The following CNTN5 variants were observed in gnomAD, a reference collection of about 807,000 sequenced individuals.
CNTN5 encodes contactin 5.
CNTN5 carries 77 observed loss-of-function variants against 129.1 expected under a neutral mutation model. That is an observed-to-expected ratio of 0.60 (90% confidence interval 0.50 to 0.72). The LOEUF (loss-of-function observed/expected upper bound fraction) is 0.72, where lower values mean the gene tolerates loss of function less well. CNTN5 is among the 30% of genes least tolerant of loss of function. The pLI, the probability that CNTN5 is intolerant of heterozygous loss-of-function variation, is 0.00. For synonymous variants in CNTN5, 509 were observed against 465.6 expected (o/e 1.09, Z -1.20); for missense variants, 1,478 against 1,328.8 (o/e 1.11, Z -1.75).
intron 2 of CNTN5, among the ~76,000 whole-genome samples, chr11:99,366,284 G>T (rs1335969733): frequency 1.3e-5 from 2 of 152,086 alleles, no homozygotes; most frequent in African/African-American, 4.8e-5. Context: ...TTTTGCTACT[G>T]CTCTTCTCAA....
At chr11:99,911,977 G>T (rs1354941913) in intron 6 of CNTN5, among the ~76,000 whole-genome samples, 1 of 151,948 alleles carries the variant, frequency 6.6e-6, no homozygotes, top group Non-Finnish European at 1.5e-5. Flanking sequence ...TTGCCCTGCA[G>T]CCTTCTCACC....
At chr11:99,822,153 C>T (rs1044114694) in intron 4 of CNTN5, among the ~76,000 whole-genome samples, 3 of 152,086 alleles carry the variant, frequency 2.0e-5, no homozygotes, top group Admixed American at 2.0e-4. Flanking sequence ...CATCCCACTC[C>T]TGTTCAGAGT....
At chr11:99,368,522 C>T (rs777694840) in intron 2 of CNTN5, among the ~76,000 whole-genome samples, 1 of 151,596 alleles carries the variant, frequency 6.6e-6, no homozygotes, top group South Asian at 2.1e-4. Flanking sequence ...ATCTTCAGTC[C>T]TAAACAATCA....
At chr11:100,196,201 C>G (rs1385359001) in intron 15 of CNTN5, among the ~76,000 whole-genome samples, 1 of 152,006 alleles carries the variant, frequency 6.6e-6, no homozygotes, top group Non-Finnish European at 1.5e-5. Context: ...TCCAGGCTAA[C>G]TGTCCTGGGA....
At chr11:100,116,960 G>A (rs1378334024) in intron 13 of CNTN5, among the ~76,000 whole-genome samples, 3 of 152,114 alleles carry the variant, frequency 2.0e-5, no homozygotes, top group South Asian at 4.1e-4. Context: ...ACAGGTAGGA[G>A]TTGAAGAAAT....
At chr11:99,519,185 T>C (rs1217818347) in intron 2 of CNTN5, among the ~76,000 whole-genome samples, 2 of 152,096 alleles carry the variant, frequency 1.3e-5, no homozygotes, top group Admixed American at 1.3e-4. Context: ...ATGTTCTCTG[T>C]GGAATTCCCT....
chr11:99,135,959 T>A (rs1262936060), intron 1 of CNTN5, among the ~76,000 whole-genome samples: 1 of 152,202 alleles, frequency 6.6e-6, no homozygotes, highest in East Asian at 1.9e-4. Context: ...ACAATAAATA[T>A]TTGTTTAATG....
rs117817917 is a variant in CNTN5 at position 100,062,555 on chromosome 11, G to A, written c.1162+1162G>A. The stretch of plus-strand genomic sequence containing the variant: ...CATGATCCACTGGACTAGAGGAAAA[G>A]CAAACTCCACATTAGAGTGGAGCAT... On this transcript the variant is annotated intron_variant, in intron 10 of 24. Transcript: ENST00000524871. 5.0e-3 allele frequency among the ~76,000 whole-genome samples: 765 copies of A among 152,240 alleles called. 15 individuals carry two copies. Among genetic ancestry groups the A allele is most frequent in the Admixed American group, 0.034 (515 of 15,274 alleles).
intron 6 of CNTN5, among the ~76,000 whole-genome samples, chr11:99,909,824 G>A (rs2135986075): frequency 6.6e-6 from 1 of 151,882 alleles, no homozygotes; most frequent in South Asian, 2.1e-4. Flanking sequence ...GGTGGGGGGA[G>A]AGGGGAGGGA....
intron 20 of CNTN5, 40 bp from the exon 21 acceptor site, chr11:100,308,319 A>G: frequency 6.3e-7 from 1 of 1,585,852 alleles, no homozygotes; most frequent in Non-Finnish European, 8.6e-7. Flanking sequence ...TTTGATGGAC[A>G]TAAACTTTTT....
At chr11:100,031,214 A>G (rs1211639158) in intron 9 of CNTN5, among the ~76,000 whole-genome samples, 3 of 152,206 alleles carry the variant, frequency 2.0e-5, no homozygotes, top group African/African-American at 7.2e-5. Context: ...ACACGAAACT[A>G]TTGCTACGGA....
intron 1 of CNTN5, among the ~76,000 whole-genome samples, chr11:99,214,838 C>T (rs1860038396): frequency 6.6e-6 from 1 of 151,990 alleles, no homozygotes; most frequent in Non-Finnish European, 1.5e-5. Context: ...ACTCAGCTAC[C>T]CTCCTGATGC....
intron 1 of CNTN5, among the ~76,000 whole-genome samples, chr11:99,174,002 T>TTG (rs10696025): frequency 0.34 from 50,598 of 150,754 alleles, 8,518 homozygotes; most frequent in East Asian, 0.35. Flanking sequence ...AAAATGCCTT[T>TTG]TGTGTGTGTG....
intron 1 of CNTN5, among the ~76,000 whole-genome samples, chr11:99,088,821 G>A (rs1213827840): frequency 1.3e-5 from 2 of 152,096 alleles, no homozygotes; most frequent in Non-Finnish European, 2.9e-5. Flanking sequence ...CTTGCAAGAT[G>A]TTTACTGTCA....
At chr11:99,107,933 A>C (rs1867080038) in intron 1 of CNTN5, among the ~76,000 whole-genome samples, 2 of 130,328 alleles carry the variant, frequency 1.5e-5, no homozygotes, top group South Asian at 5.1e-4. Context: ...TCAGTCTCAA[A>C]AAAGTAAAAA....
intron 2 of CNTN5, among the ~76,000 whole-genome samples, chr11:99,328,728 A>G (rs282493): frequency 0.6 from 91,106 of 151,250 alleles, 28,385 homozygotes; most frequent in African/African-American, 0.71. Context: ...AAATTAGCCA[A>G]GCATGATGGT....
chr11:100,040,169 G>A (rs1262334228), intron 9 of CNTN5, among the ~76,000 whole-genome samples: 1 of 152,030 alleles, frequency 6.6e-6, no homozygotes, highest in Non-Finnish European at 1.5e-5. Flanking sequence ...CTTTCTGTTT[G>A]TTAGTTTTCC....
At chr11:99,758,992 T>C (rs894568430) in intron 3 of CNTN5, among the ~76,000 whole-genome samples, 1 of 152,104 alleles carries the variant, frequency 6.6e-6, no homozygotes, top group Non-Finnish European at 1.5e-5. Flanking sequence ...AAGAATATGA[T>C]GAAGGCTGGA....
chr11:99,816,858 G>T (rs1170322167), intron 3 of CNTN5, among the ~76,000 whole-genome samples: 1 of 152,004 alleles, frequency 6.6e-6, no homozygotes, highest in Non-Finnish European at 1.5e-5. Flanking sequence ...CACCAAGCAG[G>T]CCATGGTGCC....
Sources: allele counts gnomAD v4.1 joint callset (sites outside exome capture counted in the v4.1 genomes callset), GRCh38; gene constraint gnomAD v4.1.1; transcripts MANE v1.5; gene names NCBI Gene and HGNC (gene_info 2026-07-23, HGNC 2026-07-21).